CLOCK: variants seen among roughly 807,000 people sequenced by gnomAD.
CLOCK encodes the protein clock circadian regulator, also known as circadian locomoter output cycles protein kaput.
Under a neutral mutation model 118.4 loss-of-function variants are expected in CLOCK, and 43 were observed. That is an observed-to-expected ratio of 0.36 (90% CI 0.28 to 0.47). The LOEUF (loss-of-function observed/expected upper bound fraction) is 0.47, where lower values mean the gene tolerates loss of function less well. Among genes scored for constraint, CLOCK ranks in the 20% least tolerant of loss-of-function variants. The pLI, the probability that CLOCK is intolerant of heterozygous loss-of-function variation, is 1.00. For synonymous variants in CLOCK, 326 were observed against 339.2 expected, an observed-to-expected ratio of 0.96 and a Z score of 0.43; for missense variants, 846 against 999.9, an observed-to-expected ratio of 0.85 and a Z score of 2.08.
At chr4:55,527,321 T>C (rs773658844) in intron 1 of CLOCK, among the ~76,000 whole-genome samples, 12 of 152,268 alleles carry the variant, frequency 7.9e-5, no homozygotes, top group South Asian at 2.1e-4. Context: ...GATGGGTACA[T>C]AGGAGTTCAT....
chr4:55,470,590 T>C, intron 8 of CLOCK, 127 bp downstream of exon 8: 1 of 659,572 alleles, frequency 1.5e-6, no homozygotes, highest in South Asian at 1.8e-5. Context: ...AAAGACATAC[T>C]TAGAGCTCTG....
intron 21 of CLOCK, 85 bp from the exon 22 acceptor site, chr4:55,438,622 G>C: frequency 2.5e-6 from 4 of 1,594,948 alleles, no homozygotes; most frequent in Non-Finnish European, 3.4e-6. Context: ...ACTTACCTAA[G>C]ATAATACCCA....
At chr4:55,498,501 G>T (rs548937036) in intron 2 of CLOCK, among the ~76,000 whole-genome samples, 134 of 152,050 alleles carry the variant, frequency 8.8e-4, no homozygotes, top group African/African-American at 2.9e-3. Flanking sequence ...TGAACTAGAA[G>T]ATTTTGCAAT....
intron 5 of CLOCK, among the ~76,000 whole-genome samples, 191 bp downstream of exon 5, chr4:55,479,449 A>G (rs976128671): frequency 6.6e-6 from 1 of 152,192 alleles, no homozygotes; most frequent in Admixed American, 6.5e-5. Context: ...GCAAAGCATA[A>G]TACTTTTCCA....
At chr4:55,452,934 TCC>T in intron 15 of CLOCK, 118 bp downstream of exon 15, 4 of 727,640 alleles carry the variant, frequency 5.5e-6, no homozygotes, top group South Asian at 5.4e-5. Flanking sequence ...TATAATCACA[TCC>T]CCGTTATAAG....
intron 1 of CLOCK, among the ~76,000 whole-genome samples, chr4:55,527,320 A>G (rs922265669): frequency 5.3e-5 from 8 of 152,190 alleles, no homozygotes; most frequent in African/African-American, 1.9e-4. Context: ...TGATGGGTAC[A>G]TAGGAGTTCA....
At chr4:55,471,936 T>C (rs575575528) in intron 7 of CLOCK, among the ~76,000 whole-genome samples, 72 of 152,098 alleles carry the variant, frequency 4.7e-4, no homozygotes, top group African/African-American at 1.6e-3. Context: ...TAGCCAGGTG[T>C]GGTGGCACAT....
rs114352475 is a variant in CLOCK, at chr4:55,522,780, T to C, written c.-289-12715A>G. Among the ~76,000 whole-genome samples the C allele has an allele frequency of 9.7e-3, 1,475 of 152,268 alleles. 27 individuals carry two copies. Among genetic ancestry groups the C allele is most frequent in the African/African-American group, 0.034 (1,406 of 41,542 alleles). ...CATCTCCATATACAACATACAAACATGCACATGTACACACACAAATACACA... is the reference window on the plus strand; with the variant it reads ...CATCTCCATATACAACATACAAACACGCACATGTACACACACAAATACACA... On this transcript the variant is annotated intron_variant, in intron 1 of 22. Transcript: ENST00000513440.
rs2109802369 is a variant in CLOCK, at chr4:55,459,233, G to A, written c.588C>T (p.His196=). The A allele has an allele frequency of 2.5e-6, 4 of 1,610,808 alleles. No individual in the cohort carries two copies. The highest frequency in any genetic ancestry group is 3.4e-6 in the Non-Finnish European group (4 of 1,177,166). The change falls in exon 10 of 23, where the codon CAC becomes CAT. Residue 196 remains histidine, a synonymous_variant. Transcript: ENST00000513440. ...KSKNQLEFCC[H]MLRGTIDPKE... Reference sequence around the variant, plus strand: ...TTGGGTCTATTGTTCCTCGCAGCATGTGACAACAGAATTCTAACTGATTTT... The same window carrying A: ...TTGGGTCTATTGTTCCTCGCAGCATATGACAACAGAATTCTAACTGATTTT...
intron 2 of CLOCK, among the ~76,000 whole-genome samples, chr4:55,500,878 G>T (rs1056278676): frequency 1.3e-5 from 2 of 151,936 alleles, no homozygotes; most frequent in Non-Finnish European, 2.9e-5. Flanking sequence ...TTGAGACAGG[G>T]TCTTATTCTG....
At chr4:55,437,033 C>T (rs1254020359) in intron 22 of CLOCK, among the ~76,000 whole-genome samples, 5 of 151,864 alleles carry the variant, frequency 3.3e-5, no homozygotes, top group Non-Finnish European at 7.4e-5. Flanking sequence ...ATTTTCCCTA[C>T]ATAATAATTT....
intron 8 of CLOCK, among the ~76,000 whole-genome samples, chr4:55,468,245 C>T (rs1725870375): frequency 6.6e-6 from 1 of 152,082 alleles, no homozygotes; most frequent in South Asian, 2.1e-4. Flanking sequence ...AAGGTGTGAG[C>T]CACTGCACCC....
chr4:55,439,654 G>C (rs925311473), intron 21 of CLOCK, among the ~76,000 whole-genome samples: 4 of 152,154 alleles, frequency 2.6e-5, no homozygotes, highest in African/African-American at 9.7e-5. Context: ...AAACATAGTA[G>C]AGTAGAATAT....
rs1329775320 is a variant in CLOCK, at chr4:55,428,296, TGAAAAAC to T, written c.*7112_*7118del. On this transcript the variant is annotated 3_prime_UTR_variant, in exon 23 of 23. Coordinates refer to ENST00000513440, the MANE Select transcript of CLOCK (RefSeq NM_004898.4). The stretch of plus-strand genomic sequence containing the variant: ...TGACTTTCTCCTCAAAGGATAGCTT[TGAAAAAC>T]AAGTGTAACCAATTGTTACACCAAA... 2.0e-5 allele frequency: 3 copies of T among 152,158 alleles called. No individual in the cohort carries two copies. The highest frequency in any genetic ancestry group is 7.2e-5 in the African/African-American group (3 of 41,436). The allele number at this position is 152,158 out of a possible 1,614,324, so 9.4% of individuals were successfully genotyped here.
intron 15 of CLOCK, among the ~76,000 whole-genome samples, chr4:55,450,976 A>G (rs1057480686): frequency 2.0e-5 from 3 of 152,000 alleles, no homozygotes; most frequent in Non-Finnish European, 2.9e-5. Flanking sequence ...CCCTTCACCA[A>G]TGTTTCTTTC....
Position 55,470,786 on chromosome 4 carries a change from T to C in CLOCK, c.369A>G (p.Leu123=). Residue 123 remains leucine (L), a synonymous_variant, in exon 8 of 23, where the codon TTA becomes TTG. Transcript: ENST00000513440. ...LMLEALDGFF[L]AIMTDGSIIY... ...TTATGCTTCCATCTGTCATGATTGC[T>C]AAAAAAAAACCATCAAGAGCCTGAA... is the stretch of plus-strand genomic sequence containing the variant. 5 of 1,592,058 alleles carry C rather than the reference T, an allele frequency of 3.1e-6. No homozygotes were observed. Among genetic ancestry groups the C allele is most frequent in the Non-Finnish European group, 4.3e-6 (5 of 1,165,050 alleles).
At position 55,429,606 on chromosome 4, in the gene CLOCK, T is replaced by C. The variant is rs530434686; in HGVS notation, c.*5809A>G. On this transcript the variant is annotated 3_prime_UTR_variant, in exon 23 of 23. Coordinates refer to ENST00000513440, the MANE Select transcript of CLOCK (RefSeq NM_004898.4). ...AACTTTAAATGGATTTTAATATGGA[T>C]ATGATAATGACAGCCATTAAAAGAT... 3.3e-5 allele frequency: 5 copies of C among 152,324 alleles called. No individual in the cohort carries two copies. The South Asian group carries it at 8.3e-4, about 25-fold the overall frequency. 9.4% of individuals were successfully genotyped at this position (152,324 alleles called of 1,614,324 possible).
Position 55,429,937 on chromosome 4 carries a change from G to A in CLOCK, c.*5478C>T, listed in dbSNP as rs1722395349. 1 of 152,206 alleles carries A rather than the reference G, an allele frequency of 6.6e-6. No homozygotes were observed. The highest frequency in any genetic ancestry group is 1.5e-5 in the Non-Finnish European group (1 of 68,040). The allele number at this position is 152,206 out of a possible 1,614,324, so 9.4% of individuals were successfully genotyped here. ...AGACTGTCCGTAAAGATTATCATGA[G>A]AGTTGGTGACTGCACCCCAAATCAG... is the stretch of plus-strand genomic sequence containing the variant. On this transcript the variant is annotated 3_prime_UTR_variant, in exon 23 of 23. Transcript: ENST00000513440.
In CLOCK at chr4:55,445,267, C is replaced by T. The variant is rs1288399195; in HGVS notation, c.1540-482G>A. On this transcript the variant is annotated intron_variant, in intron 18 of 22. Coordinates refer to ENST00000513440, the MANE Select transcript of CLOCK (RefSeq NM_004898.4). The stretch of plus-strand genomic sequence containing the variant: ...ATGGGAAGGACATTTCTCACTTTTA[C>T]ATACACCTGCCCCGGCAGGTGGCTT... Among the ~76,000 whole-genome samples, 2 of 151,690 alleles carry T rather than the reference C, an allele frequency of 1.3e-5. 1 individual carries two copies. The highest frequency in any genetic ancestry group is 2.9e-5 in the Non-Finnish European group (2 of 67,902).
Sources: allele counts gnomAD v4.1 joint callset (sites outside exome capture counted in the v4.1 genomes callset), GRCh38; gene constraint gnomAD v4.1.1; transcripts MANE v1.5; gene names NCBI Gene and HGNC (gene_info 2026-07-23, HGNC 2026-07-21).